The following NRAP variants were observed in gnomAD, a reference collection of about 807,000 sequenced individuals.
NRAP encodes the protein nebulin-related-anchoring protein.
NRAP carries 189 observed loss-of-function variants against 225.9 expected under a neutral mutation model. The ratio of observed to expected loss-of-function variants is 0.84; its 90% CI spans 0.74 to 0.94. The LOEUF is 0.94. Among genes scored for constraint, NRAP ranks in the 40% least tolerant of loss-of-function variants. The pLI, the probability that NRAP is intolerant of heterozygous loss-of-function variation, is 0.00. For synonymous variants in NRAP, 769 were observed against 790.7 expected (o/e 0.97, Z 0.46); for missense variants, 2,176 against 2,168.7 (o/e 1.00, Z -0.07).
At chr10:113,606,109 G>A in intron 33 of NRAP, 69 bp downstream of exon 33, 1 of 1,158,972 alleles carries the variant, frequency 8.6e-7, no homozygotes, top group Non-Finnish European at 1.3e-6. Flanking sequence ...GTCAGTGTTG[G>A]GTTACTTCAC....
chr10:113,648,467 C>CTCTCTCTCTCTCTATATATATA (rs749486311), intron 9 of NRAP, among the ~76,000 whole-genome samples: 1 of 87,360 alleles, frequency 1.1e-5, no homozygotes, highest in African/African-American at 4.5e-5. Flanking sequence ...CTCTCTCTCT[C>CTCTCTCTCTCTCTATATATATA]TATATATATA....
intron 11 of NRAP, among the ~76,000 whole-genome samples, chr10:113,645,059 C>T (rs1410739674): frequency 1.3e-5 from 2 of 152,204 alleles, no homozygotes; most frequent in Admixed American, 6.5e-5. Flanking sequence ...AAACACACCC[C>T]TCAGGCAGCC....
chr10:113,621,833 TAC>T, intron 24 of NRAP, 34 bp downstream of exon 24: 1 of 1,563,356 alleles, frequency 6.4e-7, no homozygotes, highest in South Asian at 1.2e-5. Context: ...AACACACACA[TAC>T]ACACACAAGT....
intron 14 of NRAP, 37 bp from the exon 15 acceptor site, chr10:113,634,247 C>G: frequency 2.1e-6 from 3 of 1,436,250 alleles, no homozygotes; most frequent in Non-Finnish European, 2.9e-6. Context: ...GTCATTTGCT[C>G]TTTTCTCAAA....
At chr10:113,598,467 G>C (rs1846415576) in intron 35 of NRAP, among the ~76,000 whole-genome samples, 1 of 100,048 alleles carries the variant, frequency 1.0e-5, no homozygotes, top group South Asian at 3.4e-4. Flanking sequence ...TCTGCACACT[G>C]TTCAGGCTTT....
chr10:113,591,799 GTGAC>G (rs1317006850), intron 39 of NRAP, among the ~76,000 whole-genome samples: 2 of 152,220 alleles, frequency 1.3e-5, no homozygotes, highest in Non-Finnish European at 2.9e-5. Context: ...AATTTCCTAA[GTGAC>G]TGAGCCAGGA....
intron 18 of NRAP, 121 bp downstream of exon 18, chr10:113,631,384 GGAAA>G (rs1848567322): frequency 1.6e-6 from 1 of 626,762 alleles, no homozygotes; most frequent in East Asian, 2.7e-5. Flanking sequence ...ATGCAAGCCA[GGAAA>G]GAAAGGAGTT....
At chr10:113,658,894 A>G (rs1234460338) in intron 3 of NRAP, among the ~76,000 whole-genome samples, 2 of 151,700 alleles carry the variant, frequency 1.3e-5, no homozygotes, top group Admixed American at 6.6e-5. Flanking sequence ...AAAAAAAAAA[A>G]AAAAAGAAAG....
rs745922888 is a variant in NRAP at position 113,654,037 on chromosome 10, C to T, written c.449G>A (p.Arg150Gln). Residue 150 changes from arginine (R) to glutamine (Q), a missense_variant, in exon 5 of 42, where the codon CGA becomes CAA. Physicochemically the swap from Arg to Gln is conservative, Grantham distance 43. Coordinates refer to ENST00000359988, the MANE Select transcript of NRAP (RefSeq NM_198060.4). The stretch of plus-strand genomic sequence containing the variant: ...GGTGCTTACCTCACCAAGAGACTTT[C>T]GAGCCTCAACCATCCTTACAATTTC... The part of the protein sequence containing the change: ...DPEIVRMVEA[R>Q]KSLGEEYTED... The T allele has an allele frequency of 2.5e-5, 41 of 1,611,804 alleles. No individual in the cohort carries two copies. The highest frequency in any genetic ancestry group is 4.0e-5 in the African/African-American group (3 of 74,822).
At chr10:113,597,902 G>A in intron 36 of NRAP, 67 bp downstream of exon 36, 2 of 1,161,392 alleles carry the variant, frequency 1.7e-6, no homozygotes, top group Non-Finnish European at 2.6e-6. Flanking sequence ...TCCATAAACA[G>A]ATTCCCTCTT....
At chr10:113,627,053 A>G (rs1300814669) in intron 20 of NRAP, among the ~76,000 whole-genome samples, 3 of 152,194 alleles carry the variant, frequency 2.0e-5, no homozygotes, top group African/African-American at 7.2e-5. Context: ...AAAACTCCCC[A>G]TGCCATCAGC....
chr10:113,589,178 T>G, intron 41 of NRAP, 99 bp from the exon 42 acceptor site: 1 of 916,594 alleles, frequency 1.1e-6, no homozygotes, highest in South Asian at 1.6e-5. Context: ...CAGGGAGCAT[T>G]TAACAGGCTC....
At chr10:113,626,393 C>A (rs934796875) in intron 20 of NRAP, among the ~76,000 whole-genome samples, 1 of 152,186 alleles carries the variant, frequency 6.6e-6, no homozygotes, top group Non-Finnish European at 1.5e-5. Flanking sequence ...CTGTATTTCA[C>A]CGTGTGCCCT....
chr10:113,630,768 G>A (rs1848532895), intron 18 of NRAP, among the ~76,000 whole-genome samples: 1 of 152,184 alleles, frequency 6.6e-6, no homozygotes, highest in African/African-American at 2.4e-5. Flanking sequence ...CGACCCAGAT[G>A]CCAACCCTCT....
Position 113,633,193 on chromosome 10 carries a change from T to C in NRAP, c.1528-5A>G. On this transcript the variant is annotated splice_polypyrimidine_tract_variant and splice_region_variant and intron_variant, in intron 15 of 41. Coordinates refer to ENST00000359988, the MANE Select transcript of NRAP (RefSeq NM_198060.4). ...ATAGTCAGCACGGTAATTCACCTGT[T>C]GGATTTAAAATAAATCTGTAGGGTT... 1.3e-6 allele frequency: 2 copies of C among 1,506,480 alleles called. No individual in the cohort carries two copies. The highest frequency in any genetic ancestry group is 1.8e-6 in the Non-Finnish European group (2 of 1,082,028). The allele number at this position is 1,506,480 out of a possible 1,614,324, so 93.3% of individuals were successfully genotyped here.
At chr10:113,614,699 A>G in intron 28 of NRAP, 140 bp downstream of exon 28, 2 of 642,388 alleles carry the variant, frequency 3.1e-6, no homozygotes, top group Non-Finnish European at 5.7e-6. Flanking sequence ...CTCACTGGTC[A>G]TTATCTGATT....
intron 25 of NRAP, 71 bp from the exon 26 acceptor site, chr10:113,617,624 A>G (rs1847747314): frequency 3.3e-6 from 3 of 915,230 alleles, no homozygotes; most frequent in South Asian, 1.3e-5. Flanking sequence ...AGAGAAAATC[A>G]TAGGTTGCTT....
Position 113,629,031 on chromosome 10 carries a change from A to G in NRAP, c.2041-10T>C. ...CAGCCTTGTACTGCAGCTACAAAAG[A>G]AAAACCACAAAGCTCTCATTGGGCG... is the stretch of plus-strand genomic sequence containing the variant. On this transcript the variant is annotated splice_polypyrimidine_tract_variant and intron_variant, in intron 19 of 41. Transcript: ENST00000359988. The G allele has an allele frequency of 2.5e-6, 4 of 1,592,636 alleles. No individual in the cohort carries two copies. Among genetic ancestry groups the G allele is most frequent in the Non-Finnish European group, 3.4e-6 (4 of 1,160,392 alleles).
At chr10:113,651,725 A>G (rs769880792) in intron 7 of NRAP, 78 bp downstream of exon 7, 23 of 803,858 alleles carry the variant, frequency 2.9e-5, no homozygotes, top group Admixed American at 1.5e-4. Flanking sequence ...TGTTCATTGC[A>G]GCACTATTCA....
Sources: gnomAD v4.1 joint callset for allele counts (sites outside exome capture counted in the v4.1 genomes callset) on GRCh38, gnomAD v4.1.1 for gene constraint, MANE v1.5 for transcripts, NCBI Gene and HGNC (gene_info 2026-07-23, HGNC 2026-07-21) for gene names.